Variants in RBPJ observed in about 807,000 individuals in gnomAD.
RBPJ encodes the protein recombination signal binding protein for immunoglobulin kappa J region.
RBPJ carries 9 observed loss-of-function variants against 67.8 expected under a neutral mutation model. The observed-to-expected ratio is 0.13, with a 90% CI of 0.08 to 0.23. The LOEUF (loss-of-function observed/expected upper bound fraction) is 0.23. RBPJ is among the 10% of genes least tolerant of loss of function. The pLI, the probability that RBPJ is intolerant of heterozygous loss-of-function variation, is 1.00. For missense variants in RBPJ, 305 were observed against 595.6 expected (o/e 0.51, Z 5.08); for synonymous variants, 198 against 203.3 (o/e 0.97, Z 0.22).
At chr4:26,316,724 T>C (rs190420160), upstream of RBPJ, among the ~76,000 whole-genome samples, 186 of 141,720 alleles carry the variant, frequency 1.3e-3, no homozygotes, top group African/African-American at 4.4e-3. Context: ...CACACACACA[T>C]ATCCGGCTAG....
At chr4:26,309,455 A>G (rs776525404) in intron 1 of RBPJ, among the ~76,000 whole-genome samples, 1 of 152,222 alleles carries the variant, frequency 6.6e-6, no homozygotes, top group Non-Finnish European at 1.5e-5. Context: ...AGTGCCTACT[A>G]TGTACCCAGT....
intron 1 of RBPJ, among the ~76,000 whole-genome samples, chr4:26,177,269 G>A (rs565415030): frequency 3.3e-4 from 50 of 152,258 alleles, no homozygotes; most frequent in Middle Eastern, 6.8e-3. Flanking sequence ...GAGGACCAAG[G>A]AAAATGGTAT....
chr4:26,339,313 T>A (rs373399178), intron 1 of RBPJ, among the ~76,000 whole-genome samples: 8 of 152,118 alleles, frequency 5.3e-5, no homozygotes, highest in Admixed American at 2.0e-4. Flanking sequence ...GGTAGGAGAA[T>A]TGGAATTCAA....
At chr4:26,184,833 G>C (rs1037215798) in intron 1 of RBPJ, among the ~76,000 whole-genome samples, 1 of 152,130 alleles carries the variant, frequency 6.6e-6, no homozygotes, top group African/African-American at 2.4e-5. Context: ...TATAAATGAA[G>C]AACTTTTTTT....
intron 1 of RBPJ, among the ~76,000 whole-genome samples, chr4:26,214,350 AG>A (rs1718543587): frequency 7.6e-6 from 1 of 132,376 alleles, no homozygotes; most frequent in Non-Finnish European, 1.6e-5. Context: ...AAGAAAAGGA[AG>A]AGAAAGGAGG....
At chr4:26,187,248 CACAA>C (rs1219489889) in intron 1 of RBPJ, among the ~76,000 whole-genome samples, 1 of 152,076 alleles carries the variant, frequency 6.6e-6, no homozygotes, top group African/African-American at 2.4e-5. Context: ...AAACAAAAAA[CACAA>C]ACAAGCTTTT....
intron 1 of RBPJ, among the ~76,000 whole-genome samples, chr4:26,376,602 A>G (rs1333325283): frequency 6.6e-6 from 1 of 152,182 alleles, no homozygotes; most frequent in African/African-American, 2.4e-5. Flanking sequence ...TTAGTGTACA[A>G]CTGTCTTTTA....
At chr4:26,198,280 A>G (rs1717855341) in intron 1 of RBPJ, among the ~76,000 whole-genome samples, 1 of 151,906 alleles carries the variant, frequency 6.6e-6, no homozygotes, top group Admixed American at 6.6e-5. Context: ...AAAAAAACAA[A>G]AAAACAAAAA....
chr4:26,303,065 C>T (rs1435949185), intron 1 of RBPJ, among the ~76,000 whole-genome samples: 1 of 151,850 alleles, frequency 6.6e-6, no homozygotes, highest in African/African-American at 2.4e-5. Flanking sequence ...CCTGTAGTCT[C>T]AGCTACTCAG....
intron 1 of RBPJ, among the ~76,000 whole-genome samples, chr4:26,260,052 T>G (rs572260938): frequency 1.6e-4 from 25 of 152,356 alleles, no homozygotes; most frequent in Non-Finnish European, 1.5e-5. Context: ...AAACTAGATC[T>G]TGTTCAGACA....
the RBPJ span, among the ~76,000 whole-genome samples, chr4:26,147,142 C>A: frequency 3.2e-4 from 48 of 152,332 alleles, no homozygotes; most frequent in African/African-American, 1.2e-3. Flanking sequence ...GTAGAAAATG[C>A]ATTCCAAAAA....
intron 1 of RBPJ, among the ~76,000 whole-genome samples, chr4:26,201,118 C>T (rs552852735): frequency 1.8e-4 from 27 of 152,270 alleles, no homozygotes; most frequent in African/African-American, 5.1e-4. Context: ...AAATTTGTTC[C>T]GCTTTGTCAC....
rs73245741 is a variant in RBPJ, at chr4:26,241,993, C to T, written c.-167+78379C>T. Among the ~76,000 whole-genome samples, 1,203 of 152,314 alleles carry T rather than the reference C, an allele frequency of 7.9e-3. 16 individuals are homozygous for T. Among genetic ancestry groups the T allele is most frequent in the South Asian group, 0.055 (264 of 4,826 alleles). ...ACCAAAGAGAGCACAAAGTTGGATCCTCTGTGGGATTTGTTCATATATTCA... is the reference window on the plus strand; with the variant it reads ...ACCAAAGAGAGCACAAAGTTGGATCTTCTGTGGGATTTGTTCATATATTCA... On this transcript the variant is annotated intron_variant, in intron 1 of 4. Transcript: ENST00000512351.
At chr4:26,224,805 GT>G (rs1719030229) in intron 1 of RBPJ, among the ~76,000 whole-genome samples, 1 of 152,224 alleles carries the variant, frequency 6.6e-6, no homozygotes, top group Non-Finnish European at 1.5e-5. Context: ...TTGACAAACA[GT>G]TTTCCAGAAG....
chr4:26,168,575 A>C (rs2109114627), intron 1 of RBPJ, among the ~76,000 whole-genome samples: 1 of 152,254 alleles, frequency 6.6e-6, no homozygotes, highest in East Asian at 1.9e-4. Flanking sequence ...CTCGAGGAAT[A>C]TCTTTGTGGT....
intron 1 of RBPJ, among the ~76,000 whole-genome samples, chr4:26,293,812 C>T (rs7689811): frequency 0.08 from 12,192 of 152,120 alleles, 688 homozygotes; most frequent in African/African-American, 0.16. Context: ...GGCTGGAGTG[C>T]AGTGGCACGA....
chr4:26,336,621 G>A (rs1342144865), intron 1 of RBPJ, among the ~76,000 whole-genome samples: 1 of 150,346 alleles, frequency 6.7e-6, no homozygotes, highest in Non-Finnish European at 1.5e-5. Context: ...CTGCACTCTA[G>A]CATGGGTGGT....
intron 1 of RBPJ, among the ~76,000 whole-genome samples, chr4:26,244,174 CACATATATGTAT>C (rs1719755856): frequency 2.0e-5 from 3 of 147,490 alleles, no homozygotes; most frequent in Non-Finnish European, 3.0e-5. Context: ...TATATGTATA[CACATATATGTAT>C]ACATATATGT....
chr4:26,426,183 C>T (rs1410067959), intron 7 of RBPJ, among the ~76,000 whole-genome samples: 5 of 151,946 alleles, frequency 3.3e-5, no homozygotes, highest in Admixed American at 3.3e-4. Context: ...TTTTTTTTCT[C>T]TTCTCATTCA....
Sources: gnomAD v4.1 joint callset for allele counts (sites outside exome capture counted in the v4.1 genomes callset) on GRCh38, gnomAD v4.1.1 for gene constraint, MANE v1.5 for transcripts, NCBI Gene and HGNC (gene_info 2026-07-23, HGNC 2026-07-21) for gene names.